The following SLC22A4 variants were observed in gnomAD, a reference collection of about 807,000 sequenced individuals.
SLC22A4 encodes the protein solute carrier family 22 member 4, also known as ET transporter.
In SLC22A4, 39 loss-of-function variants were observed where a neutral mutation model predicts 56.6. That is an observed-to-expected ratio of 0.69 (90% CI 0.53 to 0.90). The LOEUF (loss-of-function observed/expected upper bound fraction) is 0.90. Ranked by LOEUF, SLC22A4 falls within the 40% of genes least tolerant of loss-of-function variation. The pLI is 0.00. For synonymous variants in SLC22A4, 241 were observed against 281.4 expected (o/e 0.86, Z 1.44); for missense variants, 594 against 696.5 (o/e 0.85, Z 1.66).
At chr5:132,330,140 GT>G (rs1227452342) in intron 5 of SLC22A4, among the ~76,000 whole-genome samples, 1 of 152,202 alleles carries the variant, frequency 6.6e-6, no homozygotes, top group African/African-American at 2.4e-5. Context: ...AAAAGGCAAT[GT>G]GGCTGTGAGC....
Position 132,312,256 on chromosome 5 carries a change from G to A in SLC22A4, c.489G>A (p.Leu163=), listed in dbSNP as rs1322609253. 1.8e-5 allele frequency: 29 copies of A among 1,609,156 alleles called. No homozygotes were observed. The highest frequency in any genetic ancestry group is 2.5e-5 in the Non-Finnish European group (29 of 1,175,514). Residue 163 remains leucine (L), a synonymous_variant, in exon 2 of 10, where the codon CTG becomes CTA. Coordinates refer to ENST00000200652, the MANE Select transcript of SLC22A4 (RefSeq NM_003059.3). The stretch of plus-strand genomic sequence containing the variant: ...TCGGCTCCTTCGTGTCCGGGCAGCT[G>A]TCAGACAGGTAAGCACATGGGAGGG... ...VLLGSFVSGQ[L]SDRFGRKNVL...
Position 132,335,857 on chromosome 5 carries a change from A to C in SLC22A4, c.1301A>C (p.Lys434Thr), listed in dbSNP as rs753288548. Residue 434 changes from lysine (K) to threonine (T), a missense_variant, in exon 8 of 10, where the codon AAA (lysine) becomes ACA (threonine). Transcript: ENST00000200652. Reference protein sequence around the residue: ...FLSIGLVMLGKFGITSAFSML... With the variant: ...FLSIGLVMLGTFGITSAFSML... ...TCCATTGGTCTGGTCATGCTGGGAAAATTTGGGATCACCTCTGCTTTCTCC... is the reference window on the plus strand; with the variant it reads ...TCCATTGGTCTGGTCATGCTGGGAACATTTGGGATCACCTCTGCTTTCTCC... The C allele has an allele frequency of 1.5e-5, 25 of 1,613,972 alleles. No homozygotes were observed. The East Asian group carries it at 5.3e-4, about 35-fold the overall frequency.
intron 1 of SLC22A4, among the ~76,000 whole-genome samples, chr5:132,309,869 C>T (rs1475180939): frequency 6.6e-6 from 1 of 152,254 alleles, no homozygotes; most frequent in African/African-American, 2.4e-5. Context: ...CCTATCTATC[C>T]TGCCCTAAGG....
chr5:132,312,199 C>T lies in SLC22A4; in HGVS notation c.432C>T (p.Leu144=). The T allele has an allele frequency of 6.2e-7, 1 of 1,613,434 alleles. No homozygotes were observed. The highest frequency in any genetic ancestry group is 8.5e-7 in the Non-Finnish European group (1 of 1,179,324). The part of the protein sequence containing the change: ...LVCEDNWKVP[L]TTSLFFVGVL... The stretch of plus-strand genomic sequence containing the variant: ...GTGAGGACAACTGGAAGGTGCCCCT[C>T]ACCACCTCCCTGTTCTTCGTAGGCG... The change falls in exon 2 of 10, where the codon CTC becomes CTT. Residue 144 remains leucine, a synonymous_variant. Coordinates refer to ENST00000200652, the MANE Select transcript of SLC22A4 (RefSeq NM_003059.3).
chr5:132,317,153 G>T lies in SLC22A4; in HGVS notation c.652+3385G>T, dbSNP rs190879279. 2.0e-5 allele frequency among the ~76,000 whole-genome samples: 3 copies of T among 152,304 alleles called. No individual in the cohort carries two copies. The East Asian group carries it at 5.8e-4, about 29-fold the overall frequency. ...GAACACTAATCCTATACCCTATCAG[G>T]TCAGGGGATCAATGTATGAATAATA... On this transcript the variant is annotated intron_variant, in intron 3 of 9. Transcript: ENST00000200652.
At chr5:132,329,907 A>G (rs933360286) in intron 5 of SLC22A4, among the ~76,000 whole-genome samples, 1 of 152,208 alleles carries the variant, frequency 6.6e-6, no homozygotes, top group African/African-American at 2.4e-5. Flanking sequence ...AGGCAAGCCC[A>G]GGGAGGAACC....
chr5:132,342,719 G>A (rs4705933), intron 9 of SLC22A4, among the ~76,000 whole-genome samples: 90,880 of 152,086 alleles, frequency 0.6, 27,742 homozygotes, highest in African/African-American at 0.65. Context: ...GGCCACTAGC[G>A]GTTTCTTACA....
At chr5:132,334,673 A>G (rs1453845536) in intron 6 of SLC22A4, 45 bp from the exon 7 acceptor site, 5 of 1,358,186 alleles carry the variant, frequency 3.7e-6, no homozygotes, top group Non-Finnish European at 5.3e-6. Flanking sequence ...AAAATTTTAG[A>G]GCGATTCACA....
chr5:132,312,126 G>C, intron 1 of SLC22A4, 35 bp from the exon 2 acceptor site: 1 of 1,324,848 alleles, frequency 7.5e-7, no homozygotes, highest in South Asian at 1.2e-5. Context: ...CTGCCTCAGG[G>C]TTGGGCTCAC....
chr5:132,308,802 G>A (rs189547822), intron 1 of SLC22A4, among the ~76,000 whole-genome samples: 1 of 152,212 alleles, frequency 6.6e-6, no homozygotes, highest in African/African-American at 2.4e-5. Flanking sequence ...CCCATCAGAG[G>A]GGCAGGGAGA....
At chr5:132,295,185 G>T (rs963140031) in intron 1 of SLC22A4, 176 bp downstream of exon 1, 16 of 779,448 alleles carry the variant, frequency 2.1e-5, no homozygotes, top group Non-Finnish European at 3.4e-5. Flanking sequence ...CACGCGAGGC[G>T]CATTCCTGGG....
At chr5:132,335,764 T>G (rs1751003791) in intron 7 of SLC22A4, 54 bp from the exon 8 acceptor site, 6 of 1,416,518 alleles carry the variant, frequency 4.2e-6, no homozygotes, top group Non-Finnish European at 6.0e-6. Context: ...ATAACTGATA[T>G]AAGAAAGTAT....
At chr5:132,331,922 G>A (rs1454239349) in intron 6 of SLC22A4, 72 bp downstream of exon 6, 3 of 958,004 alleles carry the variant, frequency 3.1e-6, no homozygotes, top group Admixed American at 1.7e-5. Context: ...TAACTCAGAG[G>A]AACATTATGA....
chr5:132,311,687 T>C (rs1175403614), intron 1 of SLC22A4: 5 of 194,026 alleles, frequency 2.6e-5, no homozygotes, highest in South Asian at 2.0e-4. Context: ...CTGGAACCAC[T>C]TGCACTTTTC....
chr5:132,309,758 TG>T (rs1425122601), intron 1 of SLC22A4, among the ~76,000 whole-genome samples: 4 of 152,270 alleles, frequency 2.6e-5, no homozygotes, highest in African/African-American at 9.6e-5. Context: ...CAGTTTGCCC[TG>T]GACCTTGCAA....
At chr5:132,342,801 T>C (rs146529942) in intron 9 of SLC22A4, among the ~76,000 whole-genome samples, 407 of 152,334 alleles carry the variant, frequency 2.7e-3, no homozygotes, top group Middle Eastern at 0.017. Context: ...GTGCAGAGGT[T>C]CTGTCCCTAC....
intron 1 of SLC22A4, among the ~76,000 whole-genome samples, chr5:132,305,505 TAA>T: frequency 6.6e-6 from 1 of 151,816 alleles, no homozygotes; most frequent in African/African-American, 2.4e-5. Flanking sequence ...ACTGCTTAAA[TAA>T]AAAAAGAGAC....
At position 132,322,343 on chromosome 5, in the gene SLC22A4, T is replaced by C. The variant is rs751593840; in HGVS notation, c.812T>C (p.Val271Ala). ...CTGACGGTGCCGGGAGTGCTGTGTGTCCCGCTGTGGTGGTGAGTGTGACTC... is the reference window on the plus strand; with the variant it reads ...CTGACGGTGCCGGGAGTGCTGTGTGCCCCGCTGTGGTGGTGAGTGTGACTC... ...LALTVPGVLC[V>A]PLWWFIPESP... Residue 271 changes from valine to alanine, a missense_variant, in exon 4 of 10, where the codon GTC becomes GCC. Transcript: ENST00000200652. 1 of 1,613,568 alleles carries C rather than the reference T, an allele frequency of 6.2e-7. No individual in the cohort carries two copies. Among genetic ancestry groups the C allele is most frequent in the South Asian group, 1.1e-5 (1 of 91,064 alleles).
intron 1 of SLC22A4, among the ~76,000 whole-genome samples, chr5:132,296,136 G>A (rs1282254421): frequency 1.3e-5 from 2 of 152,194 alleles, no homozygotes; most frequent in African/African-American, 4.8e-5. Context: ...CCCTCTCTGT[G>A]GGACAATAGG....
Sources: allele counts gnomAD v4.1 joint callset (sites outside exome capture counted in the v4.1 genomes callset), GRCh38; gene constraint gnomAD v4.1.1; transcripts MANE v1.5; gene names NCBI Gene and HGNC (gene_info 2026-07-23, HGNC 2026-07-21).